Variants in LRP1B observed in about 807,000 individuals in gnomAD.
The protein encoded by LRP1B is low-density lipoprotein receptor-related protein 1B.
In LRP1B, 217 loss-of-function variants were observed where a neutral mutation model predicts 556.6. The ratio of observed to expected loss-of-function variants is 0.39; its 90% CI spans 0.35 to 0.44. LRP1B has a LOEUF of 0.44. Among genes scored for constraint, LRP1B ranks in the 20% least tolerant of loss-of-function variants. LRP1B has a pLI of 1.00. For missense variants in LRP1B, 5,053 were observed against 5,620.8 expected, an observed-to-expected ratio of 0.90 and a Z score of 3.23; for synonymous variants, 2,047 against 1,865.8, an observed-to-expected ratio of 1.10 and a Z score of -2.50.
At chr2:140,254,376 T>C (rs1681583785) in intron 86 of LRP1B, among the ~76,000 whole-genome samples, 1 of 152,192 alleles carries the variant, frequency 6.6e-6, no homozygotes, top group African/African-American at 2.4e-5. Flanking sequence ...TCACTTTCAG[T>C]TCCAATGCTC....
intron 43 of LRP1B, among the ~76,000 whole-genome samples, chr2:140,556,540 C>A (rs1198223584): frequency 6.6e-6 from 1 of 152,014 alleles, no homozygotes; most frequent in Non-Finnish European, 1.5e-5. Flanking sequence ...GGGTTTATTT[C>A]TGAAGACTCC....
At chr2:140,506,951 T>G in intron 52 of LRP1B, 33 bp from the exon 53 acceptor site, 1 of 1,606,212 alleles carries the variant, frequency 6.2e-7, no homozygotes, top group Non-Finnish European at 8.5e-7. Flanking sequence ...TAAAGTTAGA[T>G]GAGCACATAT....
At chr2:141,999,484 A>G (rs1042094394) in intron 1 of LRP1B, among the ~76,000 whole-genome samples, 2 of 152,294 alleles carry the variant, frequency 1.3e-5, no homozygotes, top group East Asian at 1.9e-4. Flanking sequence ...TTTGAAAAAT[A>G]TATTACAAAA....
At chr2:141,574,647 G>A (rs984919417) in intron 2 of LRP1B, among the ~76,000 whole-genome samples, 1 of 152,170 alleles carries the variant, frequency 6.6e-6, no homozygotes, top group East Asian at 1.9e-4. Context: ...ATTCACACAG[G>A]AAGAAAGGAA....
chr2:141,197,205 T>C (rs1254023312), intron 6 of LRP1B, among the ~76,000 whole-genome samples: 1 of 152,120 alleles, frequency 6.6e-6, no homozygotes, highest in Non-Finnish European at 1.5e-5. Flanking sequence ...TGCCTGTCTG[T>C]TGGGGTTGTA....
chr2:141,400,943 C>A (rs1406586412), intron 3 of LRP1B, among the ~76,000 whole-genome samples: 1 of 152,124 alleles, frequency 6.6e-6, no homozygotes, highest in Non-Finnish European at 1.5e-5. Context: ...TGCATCATTC[C>A]ATTTTTAATA....
At chr2:140,698,143 T>C (rs1009854533) in intron 41 of LRP1B, among the ~76,000 whole-genome samples, 9 of 152,008 alleles carry the variant, frequency 5.9e-5, no homozygotes. Flanking sequence ...CATCAATTCA[T>C]GCCATACTAC....
intron 1 of LRP1B, among the ~76,000 whole-genome samples, chr2:141,839,448 G>C (rs1697393967): frequency 1.3e-5 from 2 of 152,170 alleles, no homozygotes; most frequent in Admixed American, 1.3e-4. Context: ...ATTCCCATCA[G>C]ATGTCATTCC....
intron 20 of LRP1B, among the ~76,000 whole-genome samples, chr2:140,940,970 G>A (rs565700032): frequency 1.4e-4 from 21 of 152,210 alleles, no homozygotes; most frequent in Admixed American, 7.9e-4. Context: ...TCCGACTGGC[G>A]TGAGATGGTA....
chr2:141,581,039 C>A (rs535868009), intron 2 of LRP1B, among the ~76,000 whole-genome samples: 24 of 152,298 alleles, frequency 1.6e-4, no homozygotes, highest in Non-Finnish European at 2.9e-4. Context: ...ATACATGTCC[C>A]ATGAAAGTGT....
At chr2:140,648,922 C>G (rs951121930) in intron 41 of LRP1B, among the ~76,000 whole-genome samples, 1 of 152,052 alleles carries the variant, frequency 6.6e-6, no homozygotes, top group Non-Finnish European at 1.5e-5. Context: ...GAGATAGGAG[C>G]TGGAGAATGT....
chr2:141,334,836 C>A lies in LRP1B; in HGVS notation c.344-80195G>T, dbSNP rs368951945. Among the ~76,000 whole-genome samples the A allele has an allele frequency of 4.6e-5, 7 of 152,194 alleles. No individual in the cohort carries two copies. In the East Asian group the frequency reaches 1.2e-3, roughly 25 times the overall value. On this transcript the variant is annotated intron_variant, in intron 3 of 90. Coordinates refer to ENST00000389484, the MANE Select transcript of LRP1B (RefSeq NM_018557.3). Reference sequence around the variant, plus strand: ...CAAAGTGCTGGGATTACAGGCATGACCCACCATGCCCGGCCCAGTACATAA... The same window carrying A: ...CAAAGTGCTGGGATTACAGGCATGAACCACCATGCCCGGCCCAGTACATAA...
rs138922225 is a variant in LRP1B at position 141,000,365 on chromosome 2, G to T, written c.2503+4970C>A. ...AAAAGGTACGATGTAACTATGAGGTGTAATAGTCAGTAAAGTATAAAAGTG... is the reference window on the plus strand; with the variant it reads ...AAAAGGTACGATGTAACTATGAGGTTTAATAGTCAGTAAAGTATAAAAGTG... On this transcript the variant is annotated intron_variant, in intron 15 of 90. Transcript: ENST00000389484. 2.8e-3 allele frequency among the ~76,000 whole-genome samples: 427 copies of T among 152,224 alleles called. 1 individual carries two copies. Among genetic ancestry groups the T allele is most frequent in the African/African-American group, 0.01 (416 of 41,568 alleles).
At chr2:141,822,116 C>CAGAGAGAGAGAG (rs1178777835) in intron 1 of LRP1B, among the ~76,000 whole-genome samples, 6 of 102,264 alleles carry the variant, frequency 5.9e-5, no homozygotes, top group South Asian at 3.4e-4. Flanking sequence ...CACACACACA[C>CAGAGAGAGAGAG]ACACACACAC....
At chr2:141,565,227 CATT>C (rs1326186027) in intron 2 of LRP1B, among the ~76,000 whole-genome samples, 1 of 152,094 alleles carries the variant, frequency 6.6e-6, no homozygotes, top group Non-Finnish European at 1.5e-5. Flanking sequence ...TGAATGAGAA[CATT>C]TTTTATGTTT....
intron 15 of LRP1B, among the ~76,000 whole-genome samples, chr2:141,001,344 A>C (rs951791323): frequency 3.3e-5 from 5 of 152,002 alleles, no homozygotes; most frequent in Admixed American, 6.6e-5. Context: ...TTTATACTTT[A>C]AGTTCTAGGG....
intron 6 of LRP1B, among the ~76,000 whole-genome samples, chr2:141,204,594 A>C (rs927258909): frequency 1.8e-4 from 28 of 152,206 alleles, no homozygotes; most frequent in African/African-American, 6.3e-4. Flanking sequence ...TGAGGAAAGG[A>C]GAACTATAAA....
chr2:142,130,845 A>C lies in LRP1B; in HGVS notation c.-116T>G. 1.3e-6 allele frequency: 1 copy of C among 795,040 alleles called. No homozygotes were observed. The highest frequency in any genetic ancestry group is 2.2e-6 in the Non-Finnish European group (1 of 463,004). 49.2% of individuals were successfully genotyped at this position (795,040 alleles called of 1,614,324 possible). ...CCTGGAATCGAGCGGCGTCATTTAC[A>C]AATGTCACTGGAAATTCTTCAGCTC... On this transcript the variant is annotated 5_prime_UTR_variant, in exon 1 of 91. Transcript: ENST00000389484.
chr2:140,899,006 G>C (rs1307147787), intron 23 of LRP1B: 2 of 354,032 alleles, frequency 5.6e-6, no homozygotes, highest in African/African-American at 4.3e-5. Context: ...CTTTCACAGA[G>C]CATCTGCAGT....
Sources: allele counts gnomAD v4.1 joint callset (sites outside exome capture counted in the v4.1 genomes callset), GRCh38; gene constraint gnomAD v4.1.1; transcripts MANE v1.5; gene names NCBI Gene and HGNC (gene_info 2026-07-23, HGNC 2026-07-21).